Variants in SORT1 observed in about 807,000 individuals in gnomAD.
SORT1 encodes sortilin.
In SORT1, 39 loss-of-function variants were observed where a neutral mutation model predicts 101.7. The ratio of observed to expected loss-of-function variants is 0.38; its 90% CI spans 0.30 to 0.50. The LOEUF (loss-of-function observed/expected upper bound fraction) is 0.50, where lower values mean the gene tolerates loss of function less well. Ranked by LOEUF, SORT1 falls within the 20% of genes least tolerant of loss-of-function variation. The pLI is 0.90. For synonymous variants in SORT1, 396 were observed against 393.7 expected (o/e 1.01, Z -0.07); for missense variants, 878 against 1,040.4 (o/e 0.84, Z 2.15).
chr1:109,369,246 C>A (rs1381199722), intron 2 of SORT1, among the ~76,000 whole-genome samples: 1 of 152,092 alleles, frequency 6.6e-6, no homozygotes, highest in African/African-American at 2.4e-5. Context: ...CGCTTGAACC[C>A]GGGAGGTGGA....
chr1:109,397,909 C>G lies in SORT1; in HGVS notation c.-17G>C, dbSNP rs941701005. Reference sequence around the variant, plus strand: ...CCGCTCCATCGCCGCCGAATGCCGCCGACGCCGACACCTGCCGCCCGGCGC... The same window carrying G: ...CCGCTCCATCGCCGCCGAATGCCGCGGACGCCGACACCTGCCGCCCGGCGC... On this transcript the variant is annotated 5_prime_UTR_variant, in exon 1 of 20. Transcript: ENST00000256637. The G allele has an allele frequency of 3.5e-6, 4 of 1,145,800 alleles. No homozygotes were observed. Among genetic ancestry groups the G allele is most frequent in the South Asian group, 4.1e-5 (1 of 24,606 alleles). 71.0% of individuals were successfully genotyped at this position (1,145,800 alleles called of 1,614,324 possible).
chr1:109,383,131 T>G (rs1652362859), intron 1 of SORT1, among the ~76,000 whole-genome samples: 2 of 152,204 alleles, frequency 1.3e-5, no homozygotes, highest in Admixed American at 1.3e-4. Flanking sequence ...GTTACACACA[T>G]GATCAAAAAT....
chr1:109,328,096 T>C (rs1008056682), intron 11 of SORT1, among the ~76,000 whole-genome samples: 5 of 152,372 alleles, frequency 3.3e-5, no homozygotes, highest in African/African-American at 1.2e-4. Context: ...TGTGTGTGTG[T>C]ATCTGTATCC....
chr1:109,373,181 C>G (rs986020411), intron 1 of SORT1, among the ~76,000 whole-genome samples: 2 of 152,276 alleles, frequency 1.3e-5, no homozygotes, highest in Non-Finnish European at 2.9e-5. Context: ...ACAAGGAGGA[C>G]CCTACAGCTA....
Position 109,322,990 on chromosome 1 carries a change from C to T in SORT1, c.1966G>A (p.Asp656Asn), listed in dbSNP as rs1434858257. 1.2e-6 allele frequency: 2 copies of T among 1,614,050 alleles called. No homozygotes were observed. The highest frequency in any genetic ancestry group is 3.3e-5 in the Admixed American group (2 of 60,004). ...GAGGGCTGCTTGGTCACAACATAGT[C>T]TCGACCATTCTGACACACGGATGAC... ...RKSSVCQNGR[D>N]YVVTKQPSIC... The change falls in exon 15 of 20, where the codon GAC (aspartate) becomes AAC (asparagine). Residue 656 changes from aspartate (D) to asparagine (N), a missense_variant. Physicochemically the swap from Asp to Asn is conservative, Grantham distance 23. Around this residue, in one of 2 missense-constraint regions of SORT1, gnomAD observed 684 missense variants for 894.5 expected, o/e 0.76. Coordinates refer to ENST00000256637, the MANE Select transcript of SORT1 (RefSeq NM_002959.7).
At chr1:109,322,434 C>A (rs1253774325) in intron 15 of SORT1, among the ~76,000 whole-genome samples, 1 of 152,168 alleles carries the variant, frequency 6.6e-6, no homozygotes, top group Non-Finnish European at 1.5e-5. Flanking sequence ...CTGTCTAATA[C>A]GTGCTATCTG....
At chr1:109,351,462 G>T (rs981795424) in intron 5 of SORT1, among the ~76,000 whole-genome samples, 4 of 152,212 alleles carry the variant, frequency 2.6e-5, no homozygotes, top group African/African-American at 9.6e-5. Context: ...GGGACCAAAA[G>T]AAGGCAAACA....
At chr1:109,316,817 T>C in intron 17 of SORT1, 33 bp downstream of exon 17, 1 of 1,333,594 alleles carries the variant, frequency 7.5e-7, no homozygotes, top group Non-Finnish European at 1.1e-6. Flanking sequence ...AAAATCCCAT[T>C]TGTACCTGAA....
chr1:109,336,430 T>A, intron 10 of SORT1, 84 bp from the exon 11 acceptor site: 1 of 868,854 alleles, frequency 1.2e-6, no homozygotes, highest in Non-Finnish European at 1.9e-6. Flanking sequence ...GACTCTCTCC[T>A]GAGACCGTAT....
intron 13 of SORT1, among the ~76,000 whole-genome samples, chr1:109,326,393 T>C (rs1383361243): frequency 7.2e-6 from 1 of 139,738 alleles, no homozygotes; most frequent in Non-Finnish European, 1.5e-5. Flanking sequence ...TCTAGAGTGC[T>C]TGAACGCTTC....
intron 17 of SORT1, among the ~76,000 whole-genome samples, chr1:109,316,205 C>A (rs1647209038): frequency 6.6e-6 from 1 of 151,954 alleles, no homozygotes; most frequent in Admixed American, 6.6e-5. Flanking sequence ...AATTCCAGGT[C>A]ATGGCCCTTC....
chr1:109,364,634 G>T (rs1650961600), intron 3 of SORT1, among the ~76,000 whole-genome samples: 1 of 152,206 alleles, frequency 6.6e-6, no homozygotes, highest in Admixed American at 6.5e-5. Flanking sequence ...ATAATGCCAG[G>T]TGTTAGTAAC....
At chr1:109,376,771 A>G (rs1651885326) in intron 1 of SORT1, among the ~76,000 whole-genome samples, 1 of 152,204 alleles carries the variant, frequency 6.6e-6, no homozygotes, top group African/African-American at 2.4e-5. Context: ...CTGGTAAACT[A>G]ACTTTTGGGT....
chr1:109,397,524 C>A, intron 1 of SORT1, 63 bp downstream of exon 1: 1 of 1,047,962 alleles, frequency 9.5e-7, no homozygotes, highest in Non-Finnish European at 1.2e-6. Context: ...GGCGCACGGG[C>A]CGGGAGGGGC....
In SORT1 at chr1:109,330,292, C is replaced by T. The variant is rs1326422667; in HGVS notation, c.1372-2691G>A. Among the ~76,000 whole-genome samples the T allele has an allele frequency of 5.9e-5, 9 of 152,312 alleles. No individual in the cohort carries two copies. The East Asian group carries it at 1.7e-3, about 29-fold the overall frequency. On this transcript the variant is annotated intron_variant, in intron 11 of 19. Coordinates refer to ENST00000256637, the MANE Select transcript of SORT1 (RefSeq NM_002959.7). ...ATAGGCGTGAGCCAGTGTGCCTGGCCTCAAGTTCTTTTCAACTACAACATT... is the reference window on the plus strand; with the variant it reads ...ATAGGCGTGAGCCAGTGTGCCTGGCTTCAAGTTCTTTTCAACTACAACATT...
At position 109,311,649 on chromosome 1, in the gene SORT1, C is replaced by A. The variant is rs1306582268; in HGVS notation, c.*2394G>T. On this transcript the variant is annotated 3_prime_UTR_variant, in exon 20 of 20. Coordinates refer to ENST00000256637, the MANE Select transcript of SORT1 (RefSeq NM_002959.7). ...CCCTCAATGAGGGGAGGGGCAGTTT[C>A]TGCAAACGTATTTAAAATTCCCATT... is the stretch of plus-strand genomic sequence containing the variant. 1 of 152,208 alleles carries A rather than the reference C, an allele frequency of 6.6e-6. No homozygotes were observed. Among genetic ancestry groups the A allele is most frequent in the Non-Finnish European group, 1.5e-5 (1 of 68,032 alleles). The allele number at this position is 152,208 out of a possible 1,614,324, so 9.4% of individuals were successfully genotyped here.
chr1:109,341,570 C>T (rs1346150763), intron 9 of SORT1, among the ~76,000 whole-genome samples: 3 of 152,020 alleles, frequency 2.0e-5, no homozygotes, highest in Admixed American at 1.3e-4. Flanking sequence ...ATGACGGTCT[C>T]GATCTCCTGA....
intron 2 of SORT1, chr1:109,368,835 CA>C: frequency 6.6e-6 from 1 of 152,566 alleles, no homozygotes; most frequent in African/African-American, 2.4e-5. Context: ...AGGAACAATA[CA>C]ATTTGGAGGA....
chr1:109,326,765 T>A (rs867680478), intron 13 of SORT1: 1 of 385,194 alleles, frequency 2.6e-6, no homozygotes, highest in African/African-American at 2.1e-5. Flanking sequence ...CCAGAAAGAA[T>A]GTTTTTAAGA....
Sources: gnomAD v4.1 joint callset for allele counts (sites outside exome capture counted in the v4.1 genomes callset) on GRCh38, gnomAD v4.1.1 for gene constraint, gnomAD v4.1.1 regional missense constraint, MANE v1.5 for transcripts, NCBI Gene and HGNC (gene_info 2026-07-23, HGNC 2026-07-21) for gene names.